Variants in VANGL1 observed in about 807,000 individuals in gnomAD.
VANGL1 encodes the protein vang-like protein 1.
VANGL1 carries 18 observed loss-of-function variants against 48.4 expected under a neutral mutation model. That is an observed-to-expected ratio of 0.37 (90% confidence interval 0.26 to 0.55). The LOEUF (loss-of-function observed/expected upper bound fraction) is 0.55, where lower values mean the gene tolerates loss of function less well. VANGL1 is among the 20% of genes least tolerant of loss of function. VANGL1 has a pLI of 0.81. For synonymous variants in VANGL1, 257 were observed against 261.8 expected (o/e 0.98, Z 0.18); for missense variants, 667 against 675.8 (o/e 0.99, Z 0.14).
intron 1 of VANGL1, among the ~76,000 whole-genome samples, chr1:115,648,165 A>G (rs540895809): frequency 6.6e-5 from 10 of 152,194 alleles, no homozygotes; most frequent in Non-Finnish European, 1.0e-4. Context: ...TGCCTTTGTC[A>G]TTGCTGTGCC....
At chr1:115,643,241 G>T (rs1453997708) in intron 1 of VANGL1, among the ~76,000 whole-genome samples, 1 of 152,124 alleles carries the variant, frequency 6.6e-6, no homozygotes, top group Non-Finnish European at 1.5e-5. Context: ...AATTTTACGG[G>T]GCTGCTGAAA....
chr1:115,652,063 T>G (rs1007166737), intron 2 of VANGL1, among the ~76,000 whole-genome samples: 4 of 152,218 alleles, frequency 2.6e-5, no homozygotes, highest in Admixed American at 2.6e-4. Context: ...AGAATGTAAA[T>G]GGAAGATTTA....
At chr1:115,663,149 AGTTCCCTTGCTAC>A (rs1652631961) in intron 3 of VANGL1, among the ~76,000 whole-genome samples, 1 of 152,146 alleles carries the variant, frequency 6.6e-6, no homozygotes, top group African/African-American at 2.4e-5. Flanking sequence ...TAGTGGTGTA[AGTTCCCTTGCTAC>A]GCCCTTTGCT....
At chr1:115,684,175 G>A (rs1321201457) in intron 6 of VANGL1, 99 bp downstream of exon 6, 1 of 1,239,638 alleles carries the variant, frequency 8.1e-7, no homozygotes, top group Non-Finnish European at 1.0e-6. Flanking sequence ...ATCTCACTCT[G>A]TTGCCCAGGC....
chr1:115,656,041 G>A (rs1483318565), intron 2 of VANGL1, among the ~76,000 whole-genome samples: 1 of 152,156 alleles, frequency 6.6e-6, no homozygotes, highest in East Asian at 1.9e-4. Context: ...AAAGCCATAT[G>A]GCAGGTCCTG....
chr1:115,651,499 C>A lies in VANGL1; in HGVS notation c.71+15C>A. On this transcript the variant is annotated intron_variant, in intron 2 of 7. Coordinates refer to ENST00000355485, the MANE Select transcript of VANGL1 (RefSeq NM_138959.3). The stretch of plus-strand genomic sequence containing the variant: ...CACAGACAAGGGTATGTAAGTTGTT[C>A]ATTATTACACTTTTCCTTTTGGGGA... 6.2e-7 allele frequency: 1 copy of A among 1,610,746 alleles called. No individual in the cohort carries two copies. Among genetic ancestry groups the A allele is most frequent in the South Asian group, 1.1e-5 (1 of 90,958 alleles).
intron 4 of VANGL1, among the ~76,000 whole-genome samples, chr1:115,678,707 G>A (rs1248361228): frequency 6.6e-6 from 1 of 152,190 alleles, no homozygotes; most frequent in Non-Finnish European, 1.5e-5. Context: ...TGTAGTTCCA[G>A]AACTTTGGGA....
chr1:115,645,133 A>G (rs1217604989), intron 1 of VANGL1, among the ~76,000 whole-genome samples: 1 of 152,158 alleles, frequency 6.6e-6, no homozygotes, highest in East Asian at 1.9e-4. Context: ...AACCCACTAA[A>G]ACACACACGG....
chr1:115,659,573 T>G (rs1033560723), intron 2 of VANGL1, 68 bp from the exon 3 acceptor site: 6 of 1,592,434 alleles, frequency 3.8e-6, no homozygotes, highest in Non-Finnish European at 5.2e-6. Context: ...AAATGATACT[T>G]ACATTTTGAT....
In VANGL1 at chr1:115,643,036, G is replaced by A. The variant is rs908333155; in HGVS notation, c.-138+950G>A. On this transcript the variant is annotated intron_variant, in intron 1 of 7. Coordinates refer to ENST00000355485, the MANE Select transcript of VANGL1 (RefSeq NM_138959.3). ...AAACCAGGTCTAATGCCCACGCTGC[G>A]AAGGTGTTGTGAGCTCTCTTAGATT... 2.6e-5 allele frequency among the ~76,000 whole-genome samples: 4 copies of A among 152,344 alleles called. No homozygotes were observed. In the East Asian group the frequency reaches 7.7e-4, roughly 29 times the overall value.
At chr1:115,680,743 G>A (rs1416597042) in intron 4 of VANGL1, among the ~76,000 whole-genome samples, 1 of 144,192 alleles carries the variant, frequency 6.9e-6, no homozygotes, top group Non-Finnish European at 1.5e-5. Context: ...TGGGTGGGTA[G>A]ACAGAATTTC....
chr1:115,682,434 C>G lies in VANGL1; in HGVS notation c.883C>G (p.Leu295Val). The G allele has an allele frequency of 6.2e-7, 1 of 1,614,202 alleles. No homozygotes were observed. The highest frequency in any genetic ancestry group is 8.5e-7 in the Non-Finnish European group (1 of 1,180,030). ...TTTCACCATCTATAACCCAAACCTCCTAACAGCCTCCAAATTCCGAGCAGC... is the reference window on the plus strand; with the variant it reads ...TTTCACCATCTATAACCCAAACCTCGTAACAGCCTCCAAATTCCGAGCAGC... The part of the protein sequence containing the change: ...KDFTIYNPNL[L>V]TASKFRAAKH... The change falls in exon 5 of 8, where the codon CTA becomes GTA. Residue 295 changes from leucine (L) to valine (V), a missense_variant. Physicochemically the swap from Leu to Val is conservative, Grantham distance 32. Coordinates refer to ENST00000355485, the MANE Select transcript of VANGL1 (RefSeq NM_138959.3).
intron 6 of VANGL1, among the ~76,000 whole-genome samples, chr1:115,684,911 CCT>C (rs571093931): frequency 3.6e-4 from 55 of 152,320 alleles, no homozygotes; most frequent in African/African-American, 1.2e-3. Context: ...CCACCAGCCA[CCT>C]CTCTCTGTAC....
intron 4 of VANGL1, among the ~76,000 whole-genome samples, chr1:115,666,988 A>C (rs1652816873): frequency 6.6e-6 from 1 of 152,212 alleles, no homozygotes; most frequent in South Asian, 2.1e-4. Context: ...CCAGAAATAC[A>C]ACTTCTAAGG....
chr1:115,651,308 C>G lies in VANGL1; in HGVS notation c.-106C>G, dbSNP rs1652133011. ...TTCCTGTTGAAGAGTGGCTCCTCTT[C>G]TAATTTCCAGACTCCTTGAGGTTTT... is the stretch of plus-strand genomic sequence containing the variant. On this transcript the variant is annotated 5_prime_UTR_variant, in exon 2 of 8. Coordinates refer to ENST00000355485, the MANE Select transcript of VANGL1 (RefSeq NM_138959.3). The G allele has an allele frequency of 1.1e-6, 1 of 950,056 alleles. No individual in the cohort carries two copies. The highest frequency in any genetic ancestry group is 1.6e-6 in the Non-Finnish European group (1 of 606,886). The allele number at this position is 950,056 out of a possible 1,614,324, so 58.9% of individuals were successfully genotyped here. A position where few individuals can be genotyped will look rare whatever the true frequency, so the allele number is the denominator to read the frequency against.
At position 115,682,319 on chromosome 1, in the gene VANGL1, C is replaced by A. The variant is rs10754330; in HGVS notation, c.813-45C>A. 1,086,478 of 1,609,944 alleles carry A rather than the reference C, an allele frequency of 0.67. 368,235 individuals are homozygous for A. Among genetic ancestry groups the A allele is most frequent in the South Asian group, 0.75 (68,095 of 90,936 alleles). On this transcript the variant is annotated intron_variant, in intron 4 of 7. Transcript: ENST00000355485. ...AGGATTTTTCGTTTAGGACCTGCTTCTTCAGTGAAAAAGCTTTGCATTAAT... is the reference window on the plus strand; with the variant it reads ...AGGATTTTTCGTTTAGGACCTGCTTATTCAGTGAAAAAGCTTTGCATTAAT...
intron 4 of VANGL1, among the ~76,000 whole-genome samples, chr1:115,680,479 G>C (rs1653344743): frequency 6.6e-6 from 1 of 152,182 alleles, no homozygotes; most frequent in Non-Finnish European, 1.5e-5. Flanking sequence ...TCAAAATGCA[G>C]ATTTGCTGTT....
At chr1:115,684,632 A>G (rs888934672) in intron 6 of VANGL1, among the ~76,000 whole-genome samples, 8 of 152,208 alleles carry the variant, frequency 5.3e-5, no homozygotes, top group Middle Eastern at 3.4e-3. Context: ...GACCCTACCC[A>G]ATAGGTGTGG....
At chr1:115,653,526 G>A (rs962452750) in intron 2 of VANGL1, among the ~76,000 whole-genome samples, 1 of 152,174 alleles carries the variant, frequency 6.6e-6, no homozygotes, top group Admixed American at 6.5e-5. Flanking sequence ...GGGTGCTTGG[G>A]GATGAACAAA....
Sources: gnomAD v4.1 joint callset for allele counts (sites outside exome capture counted in the v4.1 genomes callset) on GRCh38, gnomAD v4.1.1 for gene constraint, MANE v1.5 for transcripts, NCBI Gene and HGNC (gene_info 2026-07-23, HGNC 2026-07-21) for gene names.